DPT: variants seen among roughly 807,000 people sequenced by gnomAD.
DPT encodes the protein tyrosine-rich acidic matrix protein.
DPT carries 21 observed loss-of-function variants against 31.2 expected under a neutral mutation model. That is an observed-to-expected ratio of 0.67 (90% CI 0.48 to 0.97). The LOEUF (loss-of-function observed/expected upper bound fraction) is 0.97, where lower values mean the gene tolerates loss of function less well. DPT is among the 50% of genes least tolerant of loss of function. The pLI is 0.00. For missense variants in DPT, 262 were observed against 258.8 expected (o/e 1.01, Z -0.08); for synonymous variants, 91 against 86.9 (o/e 1.05, Z -0.26).
At chr1:168,712,033 C>A (rs1649878204) in intron 2 of DPT, among the ~76,000 whole-genome samples, 1 of 152,114 alleles carries the variant, frequency 6.6e-6, no homozygotes. Context: ...ATTATATACA[C>A]CCTCCACAAT....
At chr1:168,724,774 C>T (rs1261076570) in intron 1 of DPT, among the ~76,000 whole-genome samples, 1 of 152,074 alleles carries the variant, frequency 6.6e-6, no homozygotes, top group Admixed American at 6.5e-5. Flanking sequence ...CCATGGAAAA[C>T]GGAGTTCCCA....
chr1:168,721,076 C>T (rs1650102921), intron 1 of DPT, among the ~76,000 whole-genome samples: 1 of 152,160 alleles, frequency 6.6e-6, no homozygotes. Context: ...TATGATAATA[C>T]AGATACTGGA....
At chr1:168,722,691 A>G (rs1254373042) in intron 1 of DPT, among the ~76,000 whole-genome samples, 1 of 152,212 alleles carries the variant, frequency 6.6e-6, no homozygotes, top group Non-Finnish European at 1.5e-5. Context: ...TCTCACAACA[A>G]CAGTTCTAGG....
At position 168,695,553 on chromosome 1, in the gene DPT, G is replaced by T. The variant is rs759310817; in HGVS notation, c.*996C>A. The T allele has an allele frequency of 6.6e-6, 1 of 150,916 alleles. No individual in the cohort carries two copies. Among genetic ancestry groups the T allele is most frequent in the South Asian group, 2.1e-4 (1 of 4,758 alleles). 9.3% of individuals were successfully genotyped at this position (150,916 alleles called of 1,614,324 possible). A position where few individuals can be genotyped will look rare whatever the true frequency, so the allele number is the denominator to read the frequency against. ...ACATCACAGGAGGAGGAAAGATAGCGCCATCTCTGCAGAAGAACTCCTGAG... is the reference window on the plus strand; with the variant it reads ...ACATCACAGGAGGAGGAAAGATAGCTCCATCTCTGCAGAAGAACTCCTGAG... On this transcript the variant is annotated 3_prime_UTR_variant, in exon 4 of 4. Transcript: ENST00000367817.
chr1:168,726,198 C>T (rs1650238282), intron 1 of DPT, among the ~76,000 whole-genome samples: 1 of 152,212 alleles, frequency 6.6e-6, no homozygotes, highest in Non-Finnish European at 1.5e-5. Context: ...AGACACTGCA[C>T]ACCCAAAAAT....
chr1:168,710,042 T>C lies in DPT; in HGVS notation c.431+4179A>G, dbSNP rs150343587. Among the ~76,000 whole-genome samples, 1,030 of 152,312 alleles carry C rather than the reference T, an allele frequency of 6.8e-3. 11 individuals carry two copies. The highest frequency in any genetic ancestry group is 0.024 in the African/African-American group (978 of 41,570). On this transcript the variant is annotated intron_variant, in intron 2 of 3. Transcript: ENST00000367817. The stretch of plus-strand genomic sequence containing the variant: ...AGAGTCTATTTTGTGCTGGGTAATA[T>C]CCTGGAGATGTTGAAAAAATAAGAC...
At chr1:168,720,502 G>C (rs544013) in intron 1 of DPT, among the ~76,000 whole-genome samples, 26,127 of 152,106 alleles carry the variant, frequency 0.17, 3,049 homozygotes, top group East Asian at 0.49. Flanking sequence ...GTGTGGGGTT[G>C]AGTCAAGTGA....
intron 1 of DPT, among the ~76,000 whole-genome samples, chr1:168,722,031 C>T (rs559371788): frequency 4.9e-4 from 74 of 152,216 alleles, no homozygotes; most frequent in African/African-American, 1.7e-3. Context: ...AATACAAATT[C>T]CTCAGGTTTT....
chr1:168,711,210 C>T (rs373156443), intron 2 of DPT, among the ~76,000 whole-genome samples: 7 of 149,552 alleles, frequency 4.7e-5, no homozygotes, highest in African/African-American at 1.5e-4. Context: ...TAGTAGAGAA[C>T]GGGGTTTCAT....
At chr1:168,726,720 T>C (rs560187136) in intron 1 of DPT, among the ~76,000 whole-genome samples, 15 of 152,228 alleles carry the variant, frequency 9.9e-5, no homozygotes, top group Middle Eastern at 3.4e-3. Flanking sequence ...TCCTGAGAGG[T>C]GAGGACTGGA....
At chr1:168,708,479 T>C (rs6685337) in intron 2 of DPT, among the ~76,000 whole-genome samples, 22,069 of 152,232 alleles carry the variant, frequency 0.14, 2,234 homozygotes, top group African/African-American at 0.29. Flanking sequence ...TTGAGACATC[T>C]AGTCCAATTT....
intron 1 of DPT, among the ~76,000 whole-genome samples, chr1:168,717,053 C>T (rs1351103670): frequency 6.6e-6 from 1 of 152,192 alleles, no homozygotes; most frequent in Non-Finnish European, 1.5e-5. Context: ...AATTTATAGT[C>T]CTTTGGGTAT....
At chr1:168,715,917 T>C (rs933564073) in intron 1 of DPT, among the ~76,000 whole-genome samples, 4 of 152,250 alleles carry the variant, frequency 2.6e-5, no homozygotes, top group Non-Finnish European at 4.4e-5. Context: ...TCTATGTGCA[T>C]GGCCAGACAG....
intron 3 of DPT, among the ~76,000 whole-genome samples, chr1:168,698,789 A>G (rs933853842): frequency 6.6e-6 from 1 of 152,196 alleles, no homozygotes; most frequent in African/African-American, 2.4e-5. Flanking sequence ...GGAAACCACT[A>G]TGATTTGCAT....
At chr1:168,717,316 CT>C (rs1436701949) in intron 1 of DPT, among the ~76,000 whole-genome samples, 1 of 152,098 alleles carries the variant, frequency 6.6e-6, no homozygotes, top group Admixed American at 6.6e-5. Flanking sequence ...TGAGGTTGAG[CT>C]TTTTTTCATA....
intron 1 of DPT, among the ~76,000 whole-genome samples, chr1:168,726,629 T>A (rs1650249181): frequency 6.6e-6 from 1 of 152,226 alleles, no homozygotes. Context: ...CCTCTATGGC[T>A]TGGGGAACCA....
chr1:168,726,218 G>A (rs947754816), intron 1 of DPT, among the ~76,000 whole-genome samples: 1 of 152,232 alleles, frequency 6.6e-6, no homozygotes, highest in African/African-American at 2.4e-5. Flanking sequence ...TGCCGAGTAA[G>A]AGGAGGTGGA....
Position 168,696,061 on chromosome 1 carries a change from G to A in DPT, c.*488C>T, listed in dbSNP as rs1649458959. 2 of 398,452 alleles carry A rather than the reference G, an allele frequency of 5.0e-6. No individual in the cohort carries two copies. Among genetic ancestry groups the A allele is most frequent in the Non-Finnish European group, 8.8e-6 (2 of 226,510 alleles). 24.7% of individuals were successfully genotyped at this position (398,452 alleles called of 1,614,324 possible). ...CATGCATGGCTCATGTGGAGCAGGG[G>A]AGTGGGAAGATGTCCCTCAGGGCAG... On this transcript the variant is annotated 3_prime_UTR_variant, in exon 4 of 4. Coordinates refer to ENST00000367817, the MANE Select transcript of DPT (RefSeq NM_001937.5).
At chr1:168,704,005 T>C (rs953064004) in intron 2 of DPT, among the ~76,000 whole-genome samples, 1 of 152,180 alleles carries the variant, frequency 6.6e-6, no homozygotes, top group Non-Finnish European at 1.5e-5. Context: ...GAAAAAAGAA[T>C]TTAAACGTTC....
Sources: gnomAD v4.1 joint callset for allele counts (sites outside exome capture counted in the v4.1 genomes callset) on GRCh38, gnomAD v4.1.1 for gene constraint, MANE v1.5 for transcripts, NCBI Gene and HGNC (gene_info 2026-07-23, HGNC 2026-07-21) for gene names.